SGCD: variants seen among roughly 807,000 people sequenced by gnomAD.
SGCD encodes the protein delta-sarcoglycan.
In SGCD, 18 loss-of-function variants were observed where a neutral mutation model predicts 36.6. That is an observed-to-expected ratio of 0.49 (90% CI 0.34 to 0.73). The LOEUF (loss-of-function observed/expected upper bound fraction) is 0.73, where lower values mean the gene tolerates loss of function less well. SGCD is among the 30% of genes least tolerant of loss of function. The pLI is 0.01. For missense variants in SGCD, 387 were observed against 346.7 expected, an observed-to-expected ratio of 1.12 and a Z score of -0.92; for synonymous variants, 133 against 130.6, an observed-to-expected ratio of 1.02 and a Z score of -0.12.
chr5:156,221,935 T>A (rs554881348), intron 3 of SGCD, among the ~76,000 whole-genome samples: 1 of 152,158 alleles, frequency 6.6e-6, no homozygotes, highest in African/African-American at 2.4e-5. Flanking sequence ...GACTTTTCAT[T>A]TTCTAAAATG....
At chr5:156,507,079 A>T (rs942609157) in intron 3 of SGCD, among the ~76,000 whole-genome samples, 8 of 152,202 alleles carry the variant, frequency 5.3e-5, no homozygotes, top group Non-Finnish European at 1.0e-4. Context: ...ACTCCACCTC[A>T]AAGATGTTCA....
chr5:156,640,588 A>G (rs1762992264), intron 6 of SGCD, among the ~76,000 whole-genome samples: 1 of 152,198 alleles, frequency 6.6e-6, no homozygotes, highest in African/African-American at 2.4e-5. Context: ...TAGACAACAA[A>G]TATTACAACA....
At chr5:156,382,528 G>A (rs537122900) in intron 3 of SGCD, among the ~76,000 whole-genome samples, 5 of 152,274 alleles carry the variant, frequency 3.3e-5, no homozygotes, top group African/African-American at 4.8e-5. Context: ...TACAAATTCC[G>A]ATAGTTATTC....
intron 3 of SGCD, among the ~76,000 whole-genome samples, chr5:156,300,073 C>T (rs775615040): frequency 1.3e-5 from 2 of 151,964 alleles, no homozygotes; most frequent in Admixed American, 6.6e-5. Context: ...GTGGGTCTGT[C>T]GTATATGTCT....
intron 1 of SGCD, among the ~76,000 whole-genome samples, chr5:155,921,728 A>G (rs1756884580): frequency 6.6e-6 from 1 of 152,234 alleles, no homozygotes; most frequent in African/African-American, 2.4e-5. Context: ...AACATTGGTC[A>G]GCAGACAGCA....
the SGCD span, among the ~76,000 whole-genome samples, chr5:155,839,376 G>T: frequency 5.3e-5 from 8 of 152,156 alleles, no homozygotes; most frequent in Admixed American, 5.2e-4. Context: ...TAAATGATTT[G>T]TGGGGCAGTC....
At chr5:155,803,368 T>C in the SGCD span, among the ~76,000 whole-genome samples, 2 of 152,314 alleles carry the variant, frequency 1.3e-5, no homozygotes, top group African/African-American at 2.4e-5. Context: ...CTGGCAGCAG[T>C]TGGGACCATG....
intron 1 of SGCD, among the ~76,000 whole-genome samples, chr5:155,918,179 C>T (rs1756794799): frequency 6.6e-6 from 1 of 152,188 alleles, no homozygotes; most frequent in African/African-American, 2.4e-5. Context: ...AGGAATGTCT[C>T]TCTCATTTAT....
intron 8 of SGCD, among the ~76,000 whole-genome samples, chr5:156,758,237 G>T (rs1162818282): frequency 2.6e-5 from 4 of 152,118 alleles, no homozygotes; most frequent in Non-Finnish European, 5.9e-5. Flanking sequence ...TCCCAGCTGG[G>T]TGAACAGAAA....
At chr5:156,296,225 C>T (rs1766889668) in intron 3 of SGCD, among the ~76,000 whole-genome samples, 1 of 152,136 alleles carries the variant, frequency 6.6e-6, no homozygotes, top group Non-Finnish European at 1.5e-5. Flanking sequence ...TGGGTTGTAC[C>T]TAGCTGTCCC....
intron 7 of SGCD, among the ~76,000 whole-genome samples, chr5:156,755,455 A>G (rs1757301756): frequency 6.6e-6 from 1 of 152,190 alleles, no homozygotes; most frequent in Non-Finnish European, 1.5e-5. Context: ...GAATGGCAAA[A>G]AAAACCATCT....
chr5:155,853,881 C>A, the SGCD span, among the ~76,000 whole-genome samples: 1 of 152,272 alleles, frequency 6.6e-6, no homozygotes, highest in East Asian at 1.9e-4. Context: ...ACTACACCAA[C>A]ATTTTAATTA....
At chr5:155,728,982 T>C in the SGCD span, among the ~76,000 whole-genome samples, 2 of 152,224 alleles carry the variant, frequency 1.3e-5, no homozygotes, top group Non-Finnish European at 2.9e-5. Context: ...ATAGCGTTTA[T>C]ACCCAGGGGT....
rs573290979 is a variant in SGCD at position 156,422,662 on chromosome 5, G to C, written c.192+77985G>C. On this transcript the variant is annotated intron_variant, in intron 3 of 8. Coordinates refer to ENST00000337851, the MANE Select transcript of SGCD (RefSeq NM_000337.6). ...TATAAAGCAGGGTTTCTCAACAACA[G>C]CACTTTTGACATTTTGGGCTAGGTA... 4.6e-5 allele frequency among the ~76,000 whole-genome samples: 7 copies of C among 151,998 alleles called. No homozygotes were observed. The East Asian group carries it at 1.2e-3, about 25-fold the overall frequency.
At chr5:156,472,412 CA>C (rs1191288478) in intron 3 of SGCD, among the ~76,000 whole-genome samples, 1 of 152,200 alleles carries the variant, frequency 6.6e-6, no homozygotes, top group African/African-American at 2.4e-5. Flanking sequence ...TATACAATGA[CA>C]CAGATAATTT....
chr5:156,235,502 C>T (rs1003327849), intron 3 of SGCD, among the ~76,000 whole-genome samples: 2 of 152,152 alleles, frequency 1.3e-5, no homozygotes, highest in African/African-American at 4.8e-5. Flanking sequence ...CTTCCAACAG[C>T]CAAGTGTAAC....
chr5:156,408,428 G>A (rs898991152), intron 3 of SGCD, among the ~76,000 whole-genome samples: 7 of 149,208 alleles, frequency 4.7e-5, no homozygotes, highest in East Asian at 2.0e-4. Flanking sequence ...GTGTGATCTC[G>A]GCTCACTACA....
chr5:156,165,258 A>G (rs1763185510), intron 3 of SGCD, among the ~76,000 whole-genome samples: 2 of 152,220 alleles, frequency 1.3e-5, no homozygotes, highest in South Asian at 2.1e-4. Context: ...AAACTTGCCA[A>G]TGGGCATTCT....
At chr5:156,231,590 C>A (rs1217783379) in intron 3 of SGCD, among the ~76,000 whole-genome samples, 1 of 152,046 alleles carries the variant, frequency 6.6e-6, no homozygotes, top group Non-Finnish European at 1.5e-5. Flanking sequence ...AGAAGATAAT[C>A]CTGGAAAAGT....
Sources: gnomAD v4.1 joint callset for allele counts (sites outside exome capture counted in the v4.1 genomes callset) on GRCh38, gnomAD v4.1.1 for gene constraint, MANE v1.5 for transcripts, NCBI Gene and HGNC (gene_info 2026-07-23, HGNC 2026-07-21) for gene names.